Variants in KCNIP4 observed in about 807,000 individuals in gnomAD.
The protein encoded by KCNIP4 is potassium voltage-gated channel interacting protein 4.
Under a neutral mutation model 34.0 loss-of-function variants are expected in KCNIP4, and 12 were observed. That is an observed-to-expected ratio of 0.35 (90% CI 0.23 to 0.57). The LOEUF (loss-of-function observed/expected upper bound fraction) is 0.57. Among genes scored for constraint, KCNIP4 ranks in the 20% least tolerant of loss-of-function variants. KCNIP4 has a pLI of 0.83. For missense variants in KCNIP4, 238 were observed against 311.7 expected (o/e 0.76, Z 1.78); for synonymous variants, 124 against 102.2 (o/e 1.21, Z -1.29).
intron 1 of KCNIP4, among the ~76,000 whole-genome samples, chr4:21,768,493 C>T (rs1718569141): frequency 6.6e-6 from 1 of 152,008 alleles, no homozygotes; most frequent in South Asian, 2.1e-4. Context: ...ATGCTTCACT[C>T]CCAAGTCTCG....
At chr4:21,179,632 A>C (rs1754696663) in intron 1 of KCNIP4, among the ~76,000 whole-genome samples, 2 of 152,218 alleles carry the variant, frequency 1.3e-5, no homozygotes, top group Admixed American at 1.3e-4. Flanking sequence ...GTCTGCAGGC[A>C]GGCACATGTG....
intron 1 of KCNIP4, among the ~76,000 whole-genome samples, chr4:21,507,274 T>C (rs1733925738): frequency 1.3e-5 from 2 of 151,848 alleles, no homozygotes; most frequent in African/African-American, 4.8e-5. Flanking sequence ...ATTTTAATTT[T>C]TTTTTTTTGA....
At chr4:21,673,425 T>C (rs1324986233) in intron 1 of KCNIP4, among the ~76,000 whole-genome samples, 1 of 152,160 alleles carries the variant, frequency 6.6e-6, no homozygotes, top group Non-Finnish European at 1.5e-5. Flanking sequence ...AAGGTATTAA[T>C]TTTCATTTAA....
intron 1 of KCNIP4, among the ~76,000 whole-genome samples, chr4:21,198,523 T>C (rs190435118): frequency 6.6e-6 from 1 of 152,216 alleles, no homozygotes; most frequent in East Asian, 1.9e-4. Flanking sequence ...AGCACATTTA[T>C]GAGACAGGCA....
chr4:21,643,993 A>C (rs1746825477), intron 1 of KCNIP4, among the ~76,000 whole-genome samples: 1 of 152,096 alleles, frequency 6.6e-6, no homozygotes, highest in African/African-American at 2.4e-5. Context: ...TTACTCATTA[A>C]ATTTTAAATA....
chr4:21,347,003 A>G (rs1053790399), intron 1 of KCNIP4, among the ~76,000 whole-genome samples: 1 of 152,194 alleles, frequency 6.6e-6, no homozygotes, highest in African/African-American at 2.4e-5. Flanking sequence ...GAACACCAAT[A>G]TAATGGTTAA....
At chr4:21,259,721 C>T (rs1299849778) in intron 1 of KCNIP4, among the ~76,000 whole-genome samples, 1 of 152,122 alleles carries the variant, frequency 6.6e-6, no homozygotes, top group Non-Finnish European at 1.5e-5. Context: ...ACAAATAAGG[C>T]ATTCAGTTTT....
intron 1 of KCNIP4, among the ~76,000 whole-genome samples, chr4:21,698,366 G>A (rs146714718): frequency 6.6e-5 from 10 of 152,230 alleles, no homozygotes; most frequent in African/African-American, 2.4e-4. Flanking sequence ...AATTTACTGC[G>A]TTGTCCTAAG....
At chr4:21,570,883 A>T (rs535499425) in intron 1 of KCNIP4, among the ~76,000 whole-genome samples, 1 of 152,240 alleles carries the variant, frequency 6.6e-6, no homozygotes, top group African/African-American at 2.4e-5. Flanking sequence ...TCCCTATTTT[A>T]TATGGGAAGT....
chr4:20,929,884 T>C (rs1730279733), intron 1 of KCNIP4, among the ~76,000 whole-genome samples: 1 of 151,960 alleles, frequency 6.6e-6, no homozygotes, highest in African/African-American at 2.4e-5. Flanking sequence ...CACATATAAA[T>C]AGAATAATAT....
chr4:21,191,271 G>A (rs956104542), intron 1 of KCNIP4, among the ~76,000 whole-genome samples: 5 of 152,152 alleles, frequency 3.3e-5, no homozygotes, highest in African/African-American at 9.7e-5. Context: ...AGAAGAAATC[G>A]TGTTTATTGG....
chr4:21,916,661 G>A (rs776371167), intron 1 of KCNIP4, among the ~76,000 whole-genome samples: 1 of 152,174 alleles, frequency 6.6e-6, no homozygotes, highest in Non-Finnish European at 1.5e-5. Context: ...TCAGTATTTA[G>A]CATGGTTCAC....
chr4:21,879,799 C>T (rs761639649), intron 1 of KCNIP4, among the ~76,000 whole-genome samples: 3 of 151,930 alleles, frequency 2.0e-5, no homozygotes, highest in Admixed American at 6.6e-5. Context: ...TCCCATAATC[C>T]CCACATGTCA....
rs554223596 is a variant in KCNIP4 at position 21,535,055 on chromosome 4, C to A, written c.61+413516G>T. On this transcript the variant is annotated intron_variant, in intron 1 of 8. Transcript: ENST00000382152. ...GTATTCCATTCCATTCCACTCCACT[C>A]TACTCCATTCTGCGCAAACTTATTA... 1.6e-4 allele frequency among the ~76,000 whole-genome samples: 24 copies of A among 152,176 alleles called. No homozygotes were observed. The East Asian group carries it at 4.4e-3, about 28-fold the overall frequency.
At chr4:20,953,264 G>A (rs1192954980) in intron 1 of KCNIP4, among the ~76,000 whole-genome samples, 3 of 152,166 alleles carry the variant, frequency 2.0e-5, no homozygotes, top group Admixed American at 6.5e-5. Flanking sequence ...ACCTCAGAGT[G>A]GCTTCGTCAC....
At chr4:21,531,178 A>G (rs1348775630) in intron 1 of KCNIP4, among the ~76,000 whole-genome samples, 1 of 152,176 alleles carries the variant, frequency 6.6e-6, no homozygotes, top group Non-Finnish European at 1.5e-5. Context: ...TTGCAATTCT[A>G]GGCTTCCAAG....
At chr4:20,767,544 C>A (rs1560450142) in intron 3 of KCNIP4, among the ~76,000 whole-genome samples, 1 of 152,122 alleles carries the variant, frequency 6.6e-6, no homozygotes, top group Admixed American at 6.6e-5. Flanking sequence ...ATACTTTCAC[C>A]TTATAAGGAA....
rs150659578 is a variant in KCNIP4 at position 20,746,314 on chromosome 4, T to C, written c.429+3348A>G. Among the ~76,000 whole-genome samples, 341 of 152,038 alleles carry C rather than the reference T, an allele frequency of 2.2e-3. 3 individuals are homozygous for C. Among genetic ancestry groups the C allele is most frequent in the African/African-American group, 8.0e-3 (330 of 41,468 alleles). Reference sequence around the variant, plus strand: ...GCATGTTCTCACTCATAGCTGGGAATTGAACAATGAGAACACACGGACATA... The same window carrying C: ...GCATGTTCTCACTCATAGCTGGGAACTGAACAATGAGAACACACGGACATA... On this transcript the variant is annotated intron_variant, in intron 5 of 8. Transcript: ENST00000382152.
intron 1 of KCNIP4, among the ~76,000 whole-genome samples, chr4:21,406,353 C>T (rs1723993722): frequency 6.6e-6 from 1 of 152,126 alleles, no homozygotes. Context: ...GTGCAAAAGG[C>T]ATAAATAATA....
Sources: gnomAD v4.1 joint callset for allele counts (sites outside exome capture counted in the v4.1 genomes callset) on GRCh38, gnomAD v4.1.1 for gene constraint, MANE v1.5 for transcripts, NCBI Gene and HGNC (gene_info 2026-07-23, HGNC 2026-07-21) for gene names.